Variants in NHSL2 observed in about 807,000 individuals in gnomAD.
The protein encoded by NHSL2 is NHS like 2.
NHSL2 carries 27 observed loss-of-function variants against 53.4 expected under a neutral mutation model. The ratio of observed to expected loss-of-function variants is 0.51; its 90% CI spans 0.37 to 0.70. The LOEUF (loss-of-function observed/expected upper bound fraction) is 0.70, where lower values mean the gene tolerates loss of function less well. Ranked by LOEUF, NHSL2 falls within the 30% of genes least tolerant of loss-of-function variation. The pLI is 0.00. For missense variants in NHSL2, 892 were observed against 980.1 expected (o/e 0.91, Z 1.20); for synonymous variants, 408 against 404.1 (o/e 1.01, Z -0.12).
chrX:71,916,742 A>C (rs2147808985), intron 1 of NHSL2, among the ~76,000 whole-genome samples: 1 of 112,654 alleles, frequency 8.9e-6, no homozygotes, highest in Non-Finnish European at 1.9e-5. Flanking sequence ...TCCCTATGGT[A>C]AAAACAAAAA....
chrX:72,093,906 C>T (rs1206716931), intron 1 of NHSL2, among the ~76,000 whole-genome samples: 2 of 110,408 alleles, frequency 1.8e-5, no homozygotes, highest in South Asian at 3.9e-4. Flanking sequence ...CTCAGCCACC[C>T]GAGTAGCTGG....
At chrX:72,075,010 A>G (rs1569477767) in intron 1 of NHSL2, among the ~76,000 whole-genome samples, 1 of 112,238 alleles carries the variant, frequency 8.9e-6, no homozygotes, top group African/African-American at 3.2e-5. Context: ...TCATTCTGTC[A>G]AGCTGAGAGA....
chrX:71,911,915 C>G (rs1215081468), intron 1 of NHSL2, among the ~76,000 whole-genome samples: 1 of 112,029 alleles, frequency 8.9e-6, no homozygotes, highest in Non-Finnish European at 1.9e-5. Context: ...GCGGCTCCCA[C>G]TCACAGGAGT....
At chrX:72,081,510 C>T (rs1366982118) in intron 1 of NHSL2, among the ~76,000 whole-genome samples, 1 of 111,805 alleles carries the variant, frequency 8.9e-6, no homozygotes, top group Non-Finnish European at 1.9e-5. Context: ...GGATGAAGGC[C>T]CAACACCCCC....
chrX:72,136,067 A>G (rs964286925), intron 4 of NHSL2, among the ~76,000 whole-genome samples: 1 of 110,543 alleles, frequency 9.0e-6, no homozygotes, highest in Non-Finnish European at 1.9e-5. Flanking sequence ...CTTCCTCTCA[A>G]TGAGGCTGTC....
At chrX:71,916,971 C>T (rs986521126) in intron 1 of NHSL2, among the ~76,000 whole-genome samples, 4 of 111,642 alleles carry the variant, frequency 3.6e-5, no homozygotes, top group African/African-American at 1.3e-4. Flanking sequence ...AATCGCTGGC[C>T]TTCCTGGTTC....
intron 1 of NHSL2, among the ~76,000 whole-genome samples, chrX:71,971,934 A>G (rs1020478839): frequency 2.2e-4 from 24 of 111,426 alleles, no homozygotes; most frequent in Admixed American, 1.2e-3. Context: ...AAAAATTGCT[A>G]TCTAATGTCA....
intron 1 of NHSL2, among the ~76,000 whole-genome samples, chrX:72,115,429 G>GGT (rs1482851620): frequency 2.4e-5 from 2 of 82,550 alleles, no homozygotes; most frequent in Non-Finnish European, 4.5e-5. Context: ...GTTTGGTGGG[G>GGT]GCGGGGGGGG....
In NHSL2 at chrX:72,152,544, C is replaced by T. The variant is rs1375575977; in HGVS notation, c.*8970C>T. On this transcript the variant is annotated 3_prime_UTR_variant, in exon 8 of 8. Transcript: ENST00000633930. Reference sequence around the variant, plus strand: ...TCAAAACAGGCTGACATACAGAGGGCTAGCACTCTAATTTGATGTGGACTC... The same window carrying T: ...TCAAAACAGGCTGACATACAGAGGGTTAGCACTCTAATTTGATGTGGACTC... 1 of 112,345 alleles carries T rather than the reference C, an allele frequency of 8.9e-6. No homozygotes were observed. The highest frequency in any genetic ancestry group is 3.2e-5 in the African/African-American group (1 of 30,805). 9.3% of individuals were successfully genotyped at this position (112,345 alleles called of 1,213,427 possible).
intron 1 of NHSL2, among the ~76,000 whole-genome samples, chrX:71,952,552 T>C (rs1427671391): frequency 1.8e-5 from 2 of 111,505 alleles, no homozygotes; most frequent in Non-Finnish European, 3.8e-5. Context: ...CGTGTCCTCA[T>C]GTGGGAGAAG....
At chrX:72,021,071 A>T (rs1253875784) in intron 1 of NHSL2, among the ~76,000 whole-genome samples, 2 of 17,552 alleles carry the variant, frequency 1.1e-4, no homozygotes, top group Admixed American at 2.0e-3. Context: ...ACACACACAC[A>T]CACACACACA....
At chrX:71,978,491 C>T (rs1253896907) in intron 1 of NHSL2, among the ~76,000 whole-genome samples, 2 of 112,285 alleles carry the variant, frequency 1.8e-5, no homozygotes, top group African/African-American at 6.5e-5. Flanking sequence ...TCCTTAACCT[C>T]ATTCTGCATA....
At chrX:71,925,207 A>G (rs1055081212) in intron 1 of NHSL2, among the ~76,000 whole-genome samples, 2 of 111,760 alleles carry the variant, frequency 1.8e-5, no homozygotes, top group Non-Finnish European at 3.8e-5. Flanking sequence ...ATTGACTCCT[A>G]GATATTTTGC....
chrX:72,086,114 G>T (rs1189694180), intron 1 of NHSL2, among the ~76,000 whole-genome samples: 1 of 111,929 alleles, frequency 8.9e-6, no homozygotes, highest in African/African-American at 3.2e-5. Flanking sequence ...GGAACCAACA[G>T]TTGTTTTGTG....
chrX:72,051,569 C>A (rs997615583), intron 1 of NHSL2, among the ~76,000 whole-genome samples: 1 of 111,181 alleles, frequency 9.0e-6, no homozygotes, highest in African/African-American at 3.3e-5. Context: ...TCCTATCCAG[C>A]CCTCCTTCCT....
At chrX:72,130,223 G>C in intron 1 of NHSL2, 1 of 1,210,186 alleles carries the variant, frequency 8.3e-7, no homozygotes, top group Non-Finnish European at 1.1e-6. Flanking sequence ...CCTGGATCCT[G>C]CTGTGGCTCT....
intron 1 of NHSL2, among the ~76,000 whole-genome samples, chrX:72,025,709 C>T (rs1488901564): frequency 9.0e-6 from 1 of 111,675 alleles, no homozygotes; most frequent in Non-Finnish European, 1.9e-5. Context: ...TTTTTTTCAG[C>T]CCCAGTGCAC....
At chrX:71,952,543 G>A (rs892680367) in intron 1 of NHSL2, among the ~76,000 whole-genome samples, 1 of 111,380 alleles carries the variant, frequency 9.0e-6, no homozygotes, top group African/African-American at 3.3e-5. Flanking sequence ...CACCTTCTAC[G>A]TGTCCTCATG....
chrX:72,032,380 C>T (rs966369213), intron 1 of NHSL2, among the ~76,000 whole-genome samples: 4 of 110,161 alleles, frequency 3.6e-5, no homozygotes, highest in South Asian at 3.9e-4. Flanking sequence ...GGCGAAAGAG[C>T]GAGACTCAGT....
Sources: allele counts gnomAD v4.1 joint callset (sites outside exome capture counted in the v4.1 genomes callset), GRCh38; gene constraint gnomAD v4.1.1; transcripts MANE v1.5; gene names NCBI Gene and HGNC (gene_info 2026-07-23, HGNC 2026-07-21).